Variants in EIF2AK4 observed in about 807,000 individuals in gnomAD.
EIF2AK4 encodes the protein eIF-2-alpha kinase GCN2.
EIF2AK4 carries 139 observed loss-of-function variants against 211.1 expected under a neutral mutation model. The observed-to-expected ratio is 0.66, with a 90% CI of 0.57 to 0.76. The LOEUF is 0.76. Among genes scored for constraint, EIF2AK4 ranks in the 30% least tolerant of loss-of-function variants. The pLI is 0.00. For missense variants in EIF2AK4, 1,664 were observed against 2,043.8 expected (o/e 0.81, Z 3.58); for synonymous variants, 710 against 751.3 (o/e 0.94, Z 0.90).
chr15:39,937,931 C>T (rs1479302666), intron 1 of EIF2AK4, among the ~76,000 whole-genome samples: 3 of 152,218 alleles, frequency 2.0e-5, no homozygotes, highest in Non-Finnish European at 4.4e-5. Context: ...AAATAATTCT[C>T]AAATGTATTT....
chr15:40,021,147 G>A (rs1212374884), intron 31 of EIF2AK4, 120 bp downstream of exon 31: 2 of 1,192,918 alleles, frequency 1.7e-6, no homozygotes, highest in Non-Finnish European at 2.2e-6. Context: ...GTTGCCTCCT[G>A]TGTTAGTTTC....
rs2035597195 is a variant in EIF2AK4, at chr15:40,035,044, T to C, written c.4910T>C (p.Leu1637Pro). ...KVEKKVSVLF[L>P]YSYRDDYYRI... ...TTTTGCAGGGTGTCTGTGCTATTTC[T>C]GTACAGCTATAGAGATGACTACTAC... Residue 1637 changes from leucine to proline, a missense_variant, in exon 39 of 39, where the codon CTG (leucine) becomes CCG (proline). Leu to Pro is a moderately conservative substitution (Grantham distance 98). This residue lies in a region of EIF2AK4 where 138 missense variants were observed against 165.1 expected (regional missense o/e 0.84). Transcript: ENST00000263791. 2 of 1,584,772 alleles carry C rather than the reference T, an allele frequency of 1.3e-6. No individual in the cohort carries two copies. The highest frequency in any genetic ancestry group is 1.7e-6 in the Non-Finnish European group (2 of 1,166,786).
chr15:39,973,636 C>T lies in EIF2AK4; in HGVS notation c.1705C>T (p.Arg569Trp), dbSNP rs367620475. The stretch of plus-strand genomic sequence containing the variant: ...TGTTGAGACTGTTATTCCTAGCAAC[C>T]GGCTACCCAGTGCTGCCTTCTTTAG... ...DYVETVIPSN[R>W]LPSAAFFSET... is the part of the protein sequence containing the mutation. Residue 569 changes from arginine (R) to tryptophan (W), a missense_variant, in exon 11 of 39, where the codon CGG becomes TGG. Arg to Trp is a moderately radical substitution (Grantham distance 101). Transcript: ENST00000263791. 5.6e-6 allele frequency: 9 copies of T among 1,613,976 alleles called. No individual in the cohort carries two copies. Among genetic ancestry groups the T allele is most frequent in the Admixed American group, 3.3e-5 (2 of 60,006 alleles).
chr15:39,942,169 GA>G (rs2034154300), intron 2 of EIF2AK4, among the ~76,000 whole-genome samples: 1 of 151,916 alleles, frequency 6.6e-6, no homozygotes, highest in Non-Finnish European at 1.5e-5. Flanking sequence ...TTATCCTTTT[GA>G]ATGTGGTACA....
At chr15:39,985,982 G>T in intron 14 of EIF2AK4, 94 bp downstream of exon 14, 1 of 1,099,988 alleles carries the variant, frequency 9.1e-7, no homozygotes, top group Admixed American at 2.3e-5. Flanking sequence ...ATGGACAGAG[G>T]AGGGCTTATT....
intron 18 of EIF2AK4, among the ~76,000 whole-genome samples, chr15:39,993,886 A>G (rs2034984106): frequency 6.6e-6 from 1 of 152,188 alleles, no homozygotes; most frequent in Non-Finnish European, 1.5e-5. Flanking sequence ...AGTGTGCTGA[A>G]TTAGGAAGGG....
intron 13 of EIF2AK4, among the ~76,000 whole-genome samples, chr15:39,979,228 A>G (rs2034745771): frequency 6.6e-6 from 1 of 152,222 alleles, no homozygotes. Context: ...TTATAAAATC[A>G]TGGTGAAAAG....
chr15:39,955,678 G>A lies in EIF2AK4; in HGVS notation c.653G>A (p.Gly218Glu), dbSNP rs377555422. The A allele has an allele frequency of 2.5e-6, 4 of 1,613,126 alleles. No homozygotes were observed. Among genetic ancestry groups the A allele is most frequent in the African/African-American group, 2.7e-5 (2 of 74,842 alleles). ...NQDHTSKKDP[G>E]GHRTAAILHG... ...GATCATACCTCTAAGAAGGACCCAG[G>A]AGGACACAGAACGGCTGCCATTCTA... The change falls in exon 6 of 39, where the codon GGA (glycine) becomes GAA (glutamate). Residue 218 changes from glycine to glutamate, a missense_variant. Around this residue, in one of 7 missense-constraint regions of EIF2AK4, gnomAD observed 641 missense variants for 729.6 expected, o/e 0.88. Transcript: ENST00000263791.
Position 40,009,639 on chromosome 15 carries a change from A to C in EIF2AK4, c.3602A>C (p.Asn1201Thr), listed in dbSNP as rs758102780. ...LQERNYSIYL[N>T]HTMLLKAILL... Reference sequence around the variant, plus strand: ...GAAAGAAATTACAGTATTTATTTGAACCATACCATGTTATTGAAAGCAATA... The same window carrying C: ...GAAAGAAATTACAGTATTTATTTGACCCATACCATGTTATTGAAAGCAATA... Residue 1201 changes from asparagine to threonine, a missense_variant, in exon 26 of 39, where the codon AAC (asparagine) becomes ACC (threonine). Coordinates refer to ENST00000263791, the MANE Select transcript of EIF2AK4 (RefSeq NM_001013703.4). 4 of 1,601,766 alleles carry C rather than the reference A, an allele frequency of 2.5e-6. No individual in the cohort carries two copies. The South Asian group carries it at 4.5e-5, about 18-fold the overall frequency.
At position 40,035,467 on chromosome 15, in the gene EIF2AK4, T is replaced by TA. The variant is rs1177267380; in HGVS notation, c.*394dup. The TA allele has an allele frequency of 1.4e-3, 202 of 147,852 alleles. 1 individual carries two copies. The highest frequency in any genetic ancestry group is 2.5e-3 in the Admixed American group (36 of 14,584). The allele number at this position is 147,852 out of a possible 1,614,324, so 9.2% of individuals were successfully genotyped here. A position where few individuals can be genotyped will look rare whatever the true frequency, so the allele number is the denominator to read the frequency against. ...GGGACAACAGAGCAAGACCCTGTCT[T>TA]AAAAAAAAAAAGAAAAAAAAAATTT... On this transcript the variant is annotated 3_prime_UTR_variant, in exon 39 of 39. Transcript: ENST00000263791.
At chr15:40,008,339 G>T (rs2035189712) in intron 25 of EIF2AK4, 144 bp downstream of exon 25, 1 of 798,142 alleles carries the variant, frequency 1.3e-6, no homozygotes. Context: ...AGAAGAGCTT[G>T]CTGGTGTTGC....
At chr15:39,986,227 A>T (rs1192197647) in intron 14 of EIF2AK4, among the ~76,000 whole-genome samples, 1 of 152,216 alleles carries the variant, frequency 6.6e-6, no homozygotes, top group Admixed American at 6.5e-5. Context: ...AGTAGTTCTT[A>T]TAGACTTGTA....
intron 6 of EIF2AK4, among the ~76,000 whole-genome samples, chr15:39,956,616 C>T (rs932676069): frequency 6.6e-6 from 1 of 152,204 alleles, no homozygotes; most frequent in South Asian, 2.1e-4. Context: ...ACTACTTGTT[C>T]TTCTATATCT....
chr15:39,946,969 A>G, intron 3 of EIF2AK4: 1 of 231,044 alleles, frequency 4.3e-6, no homozygotes, highest in Middle Eastern at 1.4e-3. Flanking sequence ...CATAACTTTT[A>G]TATGCACTGG....
At chr15:39,939,851 A>T (rs997260192) in intron 2 of EIF2AK4, among the ~76,000 whole-genome samples, 18 of 152,194 alleles carry the variant, frequency 1.2e-4, no homozygotes, top group Admixed American at 1.1e-3. Flanking sequence ...TTGCCTAGTG[A>T]CTATTTTGCT....
chr15:40,004,970 T>C (rs2035140432), intron 23 of EIF2AK4, among the ~76,000 whole-genome samples: 1 of 152,188 alleles, frequency 6.6e-6, no homozygotes, highest in African/African-American at 2.4e-5. Flanking sequence ...CAGCCAACTG[T>C]GGATGGAAAA....
intron 7 of EIF2AK4, 124 bp downstream of exon 7, chr15:39,962,023 T>G (rs1161416146): frequency 1.6e-6 from 1 of 640,086 alleles, no homozygotes; most frequent in African/African-American, 1.8e-5. Context: ...ATCAAGCTGG[T>G]AGTCATTCTG....
rs182883200 is a variant in EIF2AK4, at chr15:40,011,001, A to T, written c.3694-280A>T. 2.0e-5 allele frequency among the ~76,000 whole-genome samples: 3 copies of T among 152,348 alleles called. No homozygotes were observed. In the East Asian group the frequency reaches 5.8e-4, roughly 29 times the overall value. The stretch of plus-strand genomic sequence containing the variant: ...CCTCCCTGCCCAAACAAATGCCCTC[A>T]TTAAGCCTGTCCAGATTTGGGTCAC... On this transcript the variant is annotated intron_variant, in intron 26 of 38. Coordinates refer to ENST00000263791, the MANE Select transcript of EIF2AK4 (RefSeq NM_001013703.4).
Position 40,001,133 on chromosome 15 carries a change from A to G in EIF2AK4, c.3068A>G (p.Asp1023Gly). ...EVLHHTLTNV[D>G]GKAYRTMMAQ... The stretch of plus-strand genomic sequence containing the variant: ...CTGCACCACACGCTGACCAACGTGG[A>G]TGGGAAGGCCTACCGCACCATGATG... Residue 1023 changes from aspartate to glycine, a missense_variant, in exon 21 of 39, where the codon GAT becomes GGT. This residue lies in a region of EIF2AK4 where 622 missense variants were observed against 796.8 expected (regional missense o/e 0.78). Transcript: ENST00000263791. 2 of 1,614,124 alleles carry G rather than the reference A, an allele frequency of 1.2e-6. No homozygotes were observed. Among genetic ancestry groups the G allele is most frequent in the Non-Finnish European group, 8.5e-7 (1 of 1,179,994 alleles).
Sources: allele counts gnomAD v4.1 joint callset (sites outside exome capture counted in the v4.1 genomes callset), GRCh38; gene constraint gnomAD v4.1.1; regional missense constraint gnomAD v4.1.1; transcripts MANE v1.5; gene names NCBI Gene and HGNC (gene_info 2026-07-23, HGNC 2026-07-21).